Variants in THSD7B observed in about 807,000 individuals in gnomAD.
The protein encoded by THSD7B is thrombospondin type 1 domain containing 7B, also known as thrombospondin type-1 domain-containing protein 7B.
A neutral mutation model predicts 213.6 loss-of-function variants in THSD7B; 138 were observed. That is an observed-to-expected ratio of 0.65 (90% CI 0.56 to 0.74). THSD7B has a LOEUF of 0.74. Among genes scored for constraint, THSD7B ranks in the 30% least tolerant of loss-of-function variants. THSD7B has a pLI of 0.00. For synonymous variants in THSD7B, 742 were observed against 687.0 expected (o/e 1.08, Z -1.25); for missense variants, 1,931 against 1,991.5 (o/e 0.97, Z 0.58).
chr2:136,941,171 C>A (rs1417142748), intron 2 of THSD7B, among the ~76,000 whole-genome samples: 1 of 152,136 alleles, frequency 6.6e-6, no homozygotes, highest in Non-Finnish European at 1.5e-5. Context: ...CACGTCCCTG[C>A]AAAAGACATG....
intron 13 of THSD7B, among the ~76,000 whole-genome samples, chr2:137,410,994 A>G (rs565972171): frequency 6.6e-6 from 1 of 152,358 alleles, no homozygotes; most frequent in South Asian, 2.1e-4. Context: ...AGGTCCATCA[A>G]AGTGAATTGG....
intron 7 of THSD7B, 133 bp downstream of exon 7, chr2:137,171,071 C>T (rs1680239776): frequency 2.0e-6 from 2 of 1,002,632 alleles, no homozygotes; most frequent in Admixed American, 4.8e-5. Context: ...TTTATGTTTA[C>T]ATCGAGTGAC....
intron 2 of THSD7B, among the ~76,000 whole-genome samples, chr2:137,018,435 A>T (rs897916870): frequency 6.6e-6 from 1 of 152,194 alleles, no homozygotes; most frequent in Non-Finnish European, 1.5e-5. Context: ...ATAAACTGAG[A>T]TAATCTCTGG....
chr2:136,766,288 G>C (rs1681389664), intron 1 of THSD7B, among the ~76,000 whole-genome samples: 1 of 152,112 alleles, frequency 6.6e-6, no homozygotes, highest in Non-Finnish European at 1.5e-5. Flanking sequence ...GTGTCAGGAG[G>C]CTGTAGCAAC....
At chr2:137,147,206 T>A (rs1679720163) in intron 5 of THSD7B, among the ~76,000 whole-genome samples, 2 of 152,172 alleles carry the variant, frequency 1.3e-5, no homozygotes, top group Admixed American at 1.3e-4. Flanking sequence ...TTGTAATACA[T>A]GAATGCACAT....
chr2:137,372,676 C>T (rs1343920988), intron 12 of THSD7B, among the ~76,000 whole-genome samples: 1 of 151,250 alleles, frequency 6.6e-6, no homozygotes, highest in African/African-American at 2.4e-5. Context: ...TTGTAGAAGC[C>T]AGGGTTCTTT....
chr2:137,368,264 CA>C (rs144474264), intron 12 of THSD7B, among the ~76,000 whole-genome samples: 56 of 148,462 alleles, frequency 3.8e-4, no homozygotes, highest in African/African-American at 1.0e-3. Flanking sequence ...TCTAGATTTA[CA>C]AAAAAAAAAT....
At chr2:136,945,665 A>G (rs1187232017) in intron 2 of THSD7B, among the ~76,000 whole-genome samples, 1 of 151,862 alleles carries the variant, frequency 6.6e-6, no homozygotes, top group African/African-American at 2.4e-5. Context: ...GGCTTTGTTC[A>G]TTTCTTTTTA....
chr2:137,412,670 A>G (rs1003495592), intron 14 of THSD7B, among the ~76,000 whole-genome samples: 3 of 151,452 alleles, frequency 2.0e-5, no homozygotes, highest in Admixed American at 1.3e-4. Context: ...AGTTAATAGA[A>G]TAAAACTATA....
At chr2:137,331,653 C>G (rs1430972406) in intron 12 of THSD7B, among the ~76,000 whole-genome samples, 3 of 152,180 alleles carry the variant, frequency 2.0e-5, no homozygotes, top group African/African-American at 7.2e-5. Context: ...CGCTGTGGAG[C>G]AGGGGGCGGT....
intron 2 of THSD7B, among the ~76,000 whole-genome samples, chr2:136,999,621 C>T (rs973509204): frequency 3.9e-5 from 6 of 151,950 alleles, no homozygotes; most frequent in African/African-American, 1.5e-4. Flanking sequence ...CCCTACCCTC[C>T]TGGCATAAGA....
At position 137,194,816 on chromosome 2, in the gene THSD7B, A is replaced by G. The variant is rs577317549; in HGVS notation, c.1723+23878A>G. On this transcript the variant is annotated intron_variant, in intron 7 of 27. Transcript: ENST00000409968. ...TTATTTTATTATTTGAGTTAATTTT[A>G]TCATTGACTCTCTAGGGTTTTCCAG... 2.2e-4 allele frequency among the ~76,000 whole-genome samples: 33 copies of G among 152,240 alleles called. No homozygotes were observed. In the South Asian group the frequency reaches 6.9e-3, roughly 32 times the overall value.
intron 2 of THSD7B, among the ~76,000 whole-genome samples, chr2:136,961,088 CAAAAAAAAAA>C (rs57328048): frequency 2.6e-5 from 1 of 39,084 alleles, no homozygotes; most frequent in Middle Eastern, 0.036. Context: ...GACTCCGTCT[CAAAAAAAAAA>C]AAAAAAAAAA....
At chr2:136,913,743 T>G (rs993625599) in intron 2 of THSD7B, among the ~76,000 whole-genome samples, 2 of 152,208 alleles carry the variant, frequency 1.3e-5, no homozygotes, top group Non-Finnish European at 2.9e-5. Context: ...AAGTCAAGAA[T>G]TAAGGTTTGG....
chr2:137,319,836 G>T (rs533900799), intron 12 of THSD7B, among the ~76,000 whole-genome samples: 2 of 152,088 alleles, frequency 1.3e-5, no homozygotes, highest in Admixed American at 6.6e-5. Context: ...GGTGGCGGGG[G>T]TGGTCAAATG....
intron 15 of THSD7B, among the ~76,000 whole-genome samples, chr2:137,534,588 C>G (rs1680466789): frequency 6.6e-6 from 1 of 151,572 alleles, no homozygotes; most frequent in Non-Finnish European, 1.5e-5. Flanking sequence ...ATGAACTAAA[C>G]ACAAAATAAT....
chr2:136,804,356 A>G (rs1037110492), intron 1 of THSD7B, among the ~76,000 whole-genome samples: 1 of 151,824 alleles, frequency 6.6e-6, no homozygotes, highest in Non-Finnish European at 1.5e-5. Context: ...ATTCTTTAGC[A>G]CCAATGCATT....
At chr2:137,029,325 C>T (rs947067916) in intron 2 of THSD7B, among the ~76,000 whole-genome samples, 2 of 152,042 alleles carry the variant, frequency 1.3e-5, no homozygotes, top group African/African-American at 2.4e-5. Context: ...GTGATTTGGC[C>T]ACTTCAGCCT....
At chr2:136,906,319 G>T (rs1355796122) in intron 2 of THSD7B, 3 of 152,222 alleles carry the variant, frequency 2.0e-5, no homozygotes, top group South Asian at 2.1e-4. Context: ...AAGTATATTT[G>T]TGTGTGTTTG....
Sources: gnomAD v4.1 joint callset for allele counts (sites outside exome capture counted in the v4.1 genomes callset) on GRCh38, gnomAD v4.1.1 for gene constraint, MANE v1.5 for transcripts, NCBI Gene and HGNC (gene_info 2026-07-23, HGNC 2026-07-21) for gene names.